Variants in SLC20A2 observed in about 807,000 individuals in gnomAD.
SLC20A2 encodes solute carrier family 20 member 2, also known as sodium-dependent phosphate transporter 2.
Under a neutral mutation model 61.0 loss-of-function variants are expected in SLC20A2, and 30 were observed. The observed-to-expected ratio is 0.49, with a 90% confidence interval of 0.37 to 0.67. The LOEUF is 0.67. Among genes scored for constraint, SLC20A2 ranks in the 30% least tolerant of loss-of-function variants. The pLI is 0.00. For synonymous variants in SLC20A2, 351 were observed against 353.3 expected (o/e 0.99, Z 0.07); for missense variants, 626 against 866.4 (o/e 0.72, Z 3.48).
intron 1 of SLC20A2, among the ~76,000 whole-genome samples, chr8:42,475,035 TAA>T (rs939988479): frequency 5.3e-5 from 8 of 152,040 alleles, no homozygotes; most frequent in African/African-American, 1.9e-4. Flanking sequence ...TGGGTCTGGT[TAA>T]AGACTGGCCA....
intron 5 of SLC20A2, among the ~76,000 whole-genome samples, chr8:42,446,324 C>T (rs1347230820): frequency 1.3e-5 from 2 of 152,246 alleles, no homozygotes; most frequent in Non-Finnish European, 2.9e-5. Context: ...CTCCAGCCCT[C>T]ATCACCCTGA....
chr8:42,508,997 G>A (rs1226657037), intron 1 of SLC20A2, among the ~76,000 whole-genome samples: 1 of 152,156 alleles, frequency 6.6e-6, no homozygotes, highest in East Asian at 1.9e-4. Flanking sequence ...CTTTCTCACT[G>A]TGCCTTCATC....
At chr8:42,467,921 C>CT (rs557237374) in intron 2 of SLC20A2, among the ~76,000 whole-genome samples, 188 of 144,262 alleles carry the variant, frequency 1.3e-3, no homozygotes, top group African/African-American at 1.8e-3. Flanking sequence ...GGTTTATATT[C>CT]TTTTTTTTTT....
exon 1 of SLC20A2, chr8:42,541,855 A>T (rs370986676): frequency 6.6e-6 from 1 of 151,362 alleles, no homozygotes; most frequent in East Asian, 2.0e-4. Context: ...CGAAACTCCG[A>T]GCACCCGCCC....
intron 1 of SLC20A2, among the ~76,000 whole-genome samples, chr8:42,479,906 G>C (rs1808429669): frequency 6.6e-6 from 1 of 152,170 alleles, no homozygotes; most frequent in Admixed American, 6.5e-5. Context: ...TCTAGATTGT[G>C]AATGAGGAGC....
chr8:42,434,054 G>A (rs1804058982), intron 8 of SLC20A2, among the ~76,000 whole-genome samples: 2 of 152,014 alleles, frequency 1.3e-5, no homozygotes, highest in Admixed American at 6.5e-5. Flanking sequence ...CCTAATAGGT[G>A]TGTAATTTAT....
Position 42,417,935 on chromosome 8 carries a change from G to A in SLC20A2, c.1827C>T (p.Arg609=), listed in dbSNP as rs1339462852. ...GGCGCCAGTCCACAGCCTTGCGGGA[G>A]CGGATCCAGCCCACGGCCACCACCG... ...VGSVVAVGWI[R]SRKAVDWRLF... is the part of the protein sequence containing the mutation. The change falls in exon 11 of 11, where the codon CGC becomes CGT. Residue 609 remains arginine, a synonymous_variant. Transcript: ENST00000520262. 6.2e-7 allele frequency: 1 copy of A among 1,613,750 alleles called. No individual in the cohort carries two copies. The highest frequency in any genetic ancestry group is 1.1e-5 in the South Asian group (1 of 91,056).
At chr8:42,450,657 G>A (rs1379893300) in intron 5 of SLC20A2, among the ~76,000 whole-genome samples, 1 of 152,040 alleles carries the variant, frequency 6.6e-6, no homozygotes, top group African/African-American at 2.4e-5. Context: ...CTAAGTAGCT[G>A]GGATTACAGG....
intron 7 of SLC20A2, among the ~76,000 whole-genome samples, chr8:42,438,980 G>A (rs1342404851): frequency 6.6e-6 from 1 of 152,210 alleles, no homozygotes; most frequent in African/African-American, 2.4e-5. Flanking sequence ...GCCTCCCAAA[G>A]TGCTGGGATT....
intron 1 of SLC20A2, among the ~76,000 whole-genome samples, chr8:42,507,926 G>A (rs1192529585): frequency 2.6e-5 from 4 of 152,206 alleles, no homozygotes; most frequent in Non-Finnish European, 4.4e-5. Flanking sequence ...TTGGGAGGCT[G>A]AGGCGGGCGG....
intron 1 of SLC20A2, among the ~76,000 whole-genome samples, chr8:42,519,204 G>A (rs1811495497): frequency 6.6e-6 from 1 of 152,130 alleles, no homozygotes; most frequent in Admixed American, 6.6e-5. Context: ...CCAGCACTTT[G>A]GGAGGCCGAG....
intron 10 of SLC20A2, among the ~76,000 whole-genome samples, chr8:42,424,649 G>A (rs1227079667): frequency 6.6e-6 from 1 of 152,196 alleles, no homozygotes; most frequent in Non-Finnish European, 1.5e-5. Flanking sequence ...GTGATAACAG[G>A]ACTTTCCTAA....
Position 42,463,005 on chromosome 8 carries a change from CT to C in SLC20A2, c.515del (p.Lys172ArgfsTer20). Reference sequence around the variant, plus strand: ...AATTAAAAGTAGCAGCCCCACTTACCTTTTTTAAGATGAAAATTCTGATGAG... The same window carrying C: ...AATTAAAAGTAGCAGCCCCACTTACCTTTTTAAGATGAAAATTCTGATGAG... ...FVLIRIFILKKEDPVPNGLRA... is the reference protein window; with the variant it reads ...FVLIRIFILKXEDPVPNGLRA... On this transcript the variant is annotated frameshift_variant and splice_region_variant, in exon 4 of 11. Transcript: ENST00000520262. LOFTEE classifies it high-confidence loss of function. The C allele has an allele frequency of 6.3e-7, 1 of 1,580,722 alleles. No homozygotes were observed. The highest frequency in any genetic ancestry group is 8.6e-7 in the Non-Finnish European group (1 of 1,162,966).
At chr8:42,455,622 C>G (rs1406416691) in intron 5 of SLC20A2, among the ~76,000 whole-genome samples, 4 of 151,442 alleles carry the variant, frequency 2.6e-5, no homozygotes, top group Non-Finnish European at 5.9e-5. Flanking sequence ...ATTGCTGGAG[C>G]CTAGGTGACA....
chr8:42,484,823 C>A, intron 1 of SLC20A2: 1 of 331,508 alleles, frequency 3.0e-6, no homozygotes, highest in East Asian at 8.8e-5. Flanking sequence ...CCTTCCAGAC[C>A]CCGAGGGCAT....
chr8:42,421,075 A>G (rs1803005742), intron 10 of SLC20A2, among the ~76,000 whole-genome samples: 1 of 152,262 alleles, frequency 6.6e-6, no homozygotes, highest in African/African-American at 2.4e-5. Flanking sequence ...TGACTTCATT[A>G]CAACATCTGG....
intron 6 of SLC20A2, among the ~76,000 whole-genome samples, chr8:42,441,405 G>A (rs1341043099): frequency 1.3e-5 from 2 of 151,692 alleles, no homozygotes; most frequent in Admixed American, 6.6e-5. Flanking sequence ...GCCCACCTCG[G>A]CCTCCCAAAG....
rs189296204 is a variant in SLC20A2, at chr8:42,532,206, G to C, written c.-265+9615C>G. 2.6e-5 allele frequency among the ~76,000 whole-genome samples: 4 copies of C among 152,220 alleles called. No individual in the cohort carries two copies. The East Asian group carries it at 7.7e-4, about 29-fold the overall frequency. ...AAACTACAAATGACCCAATACTAAAGCTAGTTAACGGAAGTACTGATACTT... is the reference window on the plus strand; with the variant it reads ...AAACTACAAATGACCCAATACTAAACCTAGTTAACGGAAGTACTGATACTT... On this transcript the variant is annotated intron_variant, in intron 1 of 10. Coordinates refer to the SLC20A2 transcript ENST00000342228.
intron 1 of SLC20A2, among the ~76,000 whole-genome samples, chr8:42,527,345 C>G (rs973004566): frequency 6.0e-5 from 9 of 149,318 alleles, no homozygotes; most frequent in African/African-American, 2.2e-4. Context: ...GCACTCCAGC[C>G]TGGGCGACAG....
Sources: allele counts gnomAD v4.1 joint callset (sites outside exome capture counted in the v4.1 genomes callset), GRCh38; gene constraint gnomAD v4.1.1; transcripts MANE v1.5; gene names NCBI Gene and HGNC (gene_info 2026-07-23, HGNC 2026-07-21).